The following NDUFS7 variants were observed in gnomAD, a reference collection of about 807,000 sequenced individuals.
The protein encoded by NDUFS7 is NADH:ubiquinone oxidoreductase core subunit S7, also known as NADH dehydrogenase [ubiquinone] iron-sulfur protein 7, mitochondrial.
In NDUFS7, 11 loss-of-function variants were observed where a neutral mutation model predicts 31.1. That is an observed-to-expected ratio of 0.35 (90% CI 0.22 to 0.59). The LOEUF is 0.59. Ranked by LOEUF, NDUFS7 falls within the 20% of genes least tolerant of loss-of-function variation. The pLI, the probability that NDUFS7 is intolerant of heterozygous loss-of-function variation, is 0.79. For synonymous variants in NDUFS7, 136 were observed against 127.9 expected (o/e 1.06, Z -0.43); for missense variants, 263 against 324.2 (o/e 0.81, Z 1.45).
chr19:1,389,153 G>A (rs750928676), intron 4 of NDUFS7: 56 of 700,052 alleles, frequency 8.0e-5, no homozygotes, highest in Middle Eastern at 2.4e-4. Context: ...ATGCACACTC[G>A]CACACATGCA....
intron 4 of NDUFS7, chr19:1,389,375 GT>G (rs1227662060): frequency 2.1e-6 from 1 of 466,324 alleles, no homozygotes; most frequent in East Asian, 6.6e-5. Flanking sequence ...ATGTGTGCCT[GT>G]TGGCATGCAT....
intron 1 of NDUFS7, among the ~76,000 whole-genome samples, chr19:1,385,077 A>C (rs2082498610): frequency 6.6e-6 from 1 of 152,100 alleles, no homozygotes; most frequent in Non-Finnish European, 1.5e-5. Flanking sequence ...GAGCCTCCCA[A>C]AGTGCTGGGA....
chr19:1,395,323 G>A (rs1365961311), intron 7 of NDUFS7, 68 bp from the exon 8 acceptor site: 3 of 1,546,560 alleles, frequency 1.9e-6, no homozygotes, highest in Non-Finnish European at 2.6e-6. Flanking sequence ...AGCCGAGCCG[G>A]CTGCGCTGTG....
In NDUFS7 at chr19:1,395,556, G is replaced by A; in HGVS notation, c.*68G>A. Reference sequence around the variant, plus strand: ...CAGCCTGCTTGTGTCCCGTGAGGTTGTCAATAAACCTGCCCTCGGGCTGCC... The same window carrying A: ...CAGCCTGCTTGTGTCCCGTGAGGTTATCAATAAACCTGCCCTCGGGCTGCC... On this transcript the variant is annotated 3_prime_UTR_variant, in exon 8 of 8. Coordinates refer to ENST00000233627, the MANE Select transcript of NDUFS7 (RefSeq NM_024407.5). 4.6e-6 allele frequency: 7 copies of A among 1,529,944 alleles called. No homozygotes were observed. Among genetic ancestry groups the A allele is most frequent in the African/African-American group, 1.4e-5 (1 of 72,722 alleles). The allele number at this position is 1,529,944 out of a possible 1,614,324, so 94.8% of individuals were successfully genotyped here. A position where few individuals can be genotyped will look rare whatever the true frequency, so the allele number is the denominator to read the frequency against.
In NDUFS7 at chr19:1,387,811, C is replaced by A. The variant is rs1237080196; in HGVS notation, c.17C>A (p.Ala6Asp). ...TCCCACCCCGTGGTCCTCTCTGCAGCTCCTGGCCTGCGCGGCTTCCGGATC... is the reference window on the plus strand; with the variant it reads ...TCCCACCCCGTGGTCCTCTCTGCAGATCCTGGCCTGCGCGGCTTCCGGATC... MAVLSAPGLRGFRILG... is the reference protein window; with the variant it reads MAVLSDPGLRGFRILG... Residue 6 changes from alanine to aspartate, a missense_variant and splice_region_variant, in exon 2 of 8, where the codon GCT becomes GAT. By Grantham distance (126) the Ala-to-Asp change is moderately radical. Coordinates refer to ENST00000233627, the MANE Select transcript of NDUFS7 (RefSeq NM_024407.5). 1 of 1,611,634 alleles carries A rather than the reference C, an allele frequency of 6.2e-7. No individual in the cohort carries two copies. Among genetic ancestry groups the A allele is most frequent in the East Asian group, 2.2e-5 (1 of 44,838 alleles).
Position 1,391,123 on chromosome 19 carries a change from A to C in NDUFS7, c.413A>C (p.Tyr138Ser). 6.2e-7 allele frequency: 1 copy of C among 1,613,020 alleles called. No homozygotes were observed. The highest frequency in any genetic ancestry group is 8.5e-7 in the Non-Finnish European group (1 of 1,179,712). The change falls in exon 6 of 8, where the codon TAC becomes TCC. Residue 138 changes from tyrosine (Y) to serine (S), a missense_variant. Transcript: ENST00000233627. ...CGGACCCCGCCTCTCTTCCAGGTCT[A>C]CGACCAGATGCCGGAGCCGCGCTAC... ...NKMAPALRKVYDQMPEPRYVV... is the reference protein window; with the variant it reads ...NKMAPALRKVSDQMPEPRYVV...
rs112317574 is a variant in NDUFS7 at position 1,393,444 on chromosome 19, C to T, written c.544+114C>T. 1.1e-6 allele frequency: 1 copy of T among 879,368 alleles called. No homozygotes were observed. Among genetic ancestry groups the T allele is most frequent in the Non-Finnish European group, 1.8e-6 (1 of 547,886 alleles). 54.5% of individuals were successfully genotyped at this position (879,368 alleles called of 1,614,324 possible). A position where few individuals can be genotyped will look rare whatever the true frequency, so the allele number is the denominator to read the frequency against. ...ACCCCCAGCAGACGGCGGGCTCCCC[C>T]ATCCTATGGATGGGCCGACTCGGAG... On this transcript the variant is annotated intron_variant, in intron 7 of 7. Transcript: ENST00000233627. This position sits in a 1 kb window ranked among gnomAD's most constrained non-coding sequence, Gnocchi z 7.3.
intron 7 of NDUFS7, chr19:1,394,653 C>T (rs1275068951): frequency 2.3e-5 from 28 of 1,217,036 alleles, no homozygotes; most frequent in African/African-American, 3.4e-5. Context: ...CTGGGGACCT[C>T]GCTCCTCCCT....
chr19:1,395,195 G>A (rs2082588062), intron 7 of NDUFS7, 196 bp from the exon 8 acceptor site: 2 of 1,424,964 alleles, frequency 1.4e-6, no homozygotes, highest in Non-Finnish European at 1.8e-6. Context: ...CTTGCCCAGG[G>A]GAGGACCCCA....
At chr19:1,394,598 T>G (rs2082582060) in intron 7 of NDUFS7, 1 of 1,210,644 alleles carries the variant, frequency 8.3e-7, no homozygotes, top group South Asian at 1.5e-5. Context: ...CGGCCCTCCC[T>G]GGGGACCGCG....
intron 1 of NDUFS7, among the ~76,000 whole-genome samples, chr19:1,385,406 G>T (rs896042389): frequency 2.0e-5 from 3 of 151,922 alleles, no homozygotes; most frequent in African/African-American, 7.3e-5. Flanking sequence ...CGCAGCTACT[G>T]GGGGGCTGGG....
intron 7 of NDUFS7, chr19:1,394,869 T>G: frequency 4.4e-6 from 5 of 1,128,764 alleles, no homozygotes; most frequent in Non-Finnish European, 5.5e-6. Flanking sequence ...CCCTTTGTTC[T>G]GAACCTGCGT....
Position 1,395,107 on chromosome 19 carries a change from G to A in NDUFS7, c.545-284G>A, listed in dbSNP as rs1286775637. 5 of 1,329,688 alleles carry A rather than the reference G, an allele frequency of 3.8e-6. No homozygotes were observed. In the South Asian group the frequency reaches 5.0e-5, roughly 13 times the overall value. The allele number at this position is 1,329,688 out of a possible 1,614,324, so 82.4% of individuals were successfully genotyped here. A position where few individuals can be genotyped will look rare whatever the true frequency, so the allele number is the denominator to read the frequency against. ...GTCCTGAGGGCTGGGGCCGGGGGCC[G>A]GGTTAGTGAGGTCAGCGTCTTGTCC... On this transcript the variant is annotated intron_variant, in intron 7 of 7. Coordinates refer to ENST00000233627, the MANE Select transcript of NDUFS7 (RefSeq NM_024407.5).
Position 1,393,960 on chromosome 19 carries a change from C to T in NDUFS7, c.544+630C>T, listed in dbSNP as rs574837430. On this transcript the variant is annotated intron_variant, in intron 7 of 7. Transcript: ENST00000233627. The surrounding 1 kb of genome is among the most constrained non-coding windows in gnomAD (Gnocchi z 7.3). ...GTGGGACTCTTGCACCTCACGTGGT[C>T]CCACGAGGGCCATCCCCCCGGGCGT... The T allele has an allele frequency of 1.2e-5, 3 of 242,728 alleles. No homozygotes were observed. The highest frequency in any genetic ancestry group is 6.8e-5 in the African/African-American group (3 of 44,438). 15.0% of individuals were successfully genotyped at this position (242,728 alleles called of 1,614,324 possible).
At position 1,391,180 on chromosome 19, in the gene NDUFS7, G is replaced by T; in HGVS notation, c.455+15G>T. On this transcript the variant is annotated intron_variant, in intron 6 of 7. Coordinates refer to ENST00000233627, the MANE Select transcript of NDUFS7 (RefSeq NM_024407.5). ...TCCATGGGGAGGTGAGTGCAGGGCG[G>T]GGGGTCTCCAGGGACAGACGTAGCG... 2 of 1,611,098 alleles carry T rather than the reference G, an allele frequency of 1.2e-6. No individual in the cohort carries two copies. Among genetic ancestry groups the T allele is most frequent in the Non-Finnish European group, 1.7e-6 (2 of 1,179,162 alleles).
At chr19:1,388,343 C>T in intron 2 of NDUFS7, 182 bp from the exon 3 acceptor site, 1 of 647,612 alleles carries the variant, frequency 1.5e-6, no homozygotes, top group Non-Finnish European at 2.8e-6. Context: ...TCTGGGCCAT[C>T]ATTGGGGGTC....
chr19:1,384,729 T>C (rs554046348), intron 1 of NDUFS7, among the ~76,000 whole-genome samples: 99 of 152,336 alleles, frequency 6.5e-4, no homozygotes, highest in Non-Finnish European at 1.3e-3. Flanking sequence ...CCCTGCACCA[T>C]AGCTAGGAAA....
rs77193048 is a variant in NDUFS7 at position 1,390,738 on chromosome 19, C to T, written c.229-133C>T. The T allele has an allele frequency of 2.4e-3, 2,362 of 1,000,364 alleles. 43 individuals are homozygous for T. In the African/African-American group the frequency reaches 0.034, roughly 14 times the overall value. The allele number at this position is 1,000,364 out of a possible 1,614,324, so 62.0% of individuals were successfully genotyped here. A position where few individuals can be genotyped will look rare whatever the true frequency, so the allele number is the denominator to read the frequency against. ...GGGCCCGGAGGCCACCTGCAGGAGC[C>T]GCTGTGCCTCTCACCTCTGCCGGCT... On this transcript the variant is annotated intron_variant, in intron 4 of 7. Transcript: ENST00000233627.
At position 1,390,783 on chromosome 19, in the gene NDUFS7, C is replaced by T. The variant is rs566071220; in HGVS notation, c.229-88C>T. 4.7e-5 allele frequency: 69 copies of T among 1,459,166 alleles called. No homozygotes were observed. In the African/African-American group the frequency reaches 6.7e-4, roughly 14 times the overall value. The allele number at this position is 1,459,166 out of a possible 1,614,324, so 90.4% of individuals were successfully genotyped here. A position where few individuals can be genotyped will look rare whatever the true frequency, so the allele number is the denominator to read the frequency against. ...CCGGCTGCCGCCCCGGGACATGAGT[C>T]GGGGGTTCTGGGTGCTCCACGTGGA... On this transcript the variant is annotated intron_variant, in intron 4 of 7. Coordinates refer to ENST00000233627, the MANE Select transcript of NDUFS7 (RefSeq NM_024407.5).
Sources: allele counts gnomAD v4.1 joint callset (sites outside exome capture counted in the v4.1 genomes callset), GRCh38; gene constraint gnomAD v4.1.1; non-coding constraint Gnocchi (gnomAD v3.1); transcripts MANE v1.5; gene names NCBI Gene and HGNC (gene_info 2026-07-23, HGNC 2026-07-21).